CCAR1: variants seen among roughly 807,000 people sequenced by gnomAD.
CCAR1 encodes cell division cycle and apoptosis regulator 1.
In CCAR1, 78 loss-of-function variants were observed where a neutral mutation model predicts 163.8. That is an observed-to-expected ratio of 0.48 (90% CI 0.40 to 0.57). The LOEUF is 0.57. Among genes scored for constraint, CCAR1 ranks in the 20% least tolerant of loss-of-function variants. CCAR1 has a pLI of 0.00. For missense variants in CCAR1, 1,019 were observed against 1,365.2 expected (o/e 0.75, Z 4.00); for synonymous variants, 443 against 460.7 (o/e 0.96, Z 0.49).
At chr10:68,752,479 T>C (rs909263806) in intron 10 of CCAR1, among the ~76,000 whole-genome samples, 2 of 152,210 alleles carry the variant, frequency 1.3e-5, no homozygotes, top group Non-Finnish European at 2.9e-5. Flanking sequence ...TGGGAAACAA[T>C]TATACATACT....
chr10:68,789,549 A>G (rs1044778036), intron 23 of CCAR1, among the ~76,000 whole-genome samples, 161 bp from the exon 24 acceptor site: 1 of 152,156 alleles, frequency 6.6e-6, no homozygotes, highest in Non-Finnish European at 1.5e-5. Flanking sequence ...ACATAAATAA[A>G]TGAATATTGC....
At chr10:68,769,559 G>A (rs1372989157) in intron 17 of CCAR1, among the ~76,000 whole-genome samples, 1 of 152,114 alleles carries the variant, frequency 6.6e-6, no homozygotes, top group Non-Finnish European at 1.5e-5. Context: ...GGCGGAGGTT[G>A]CGGTGAGCCA....
At chr10:68,779,080 T>C (rs756854442) in intron 19 of CCAR1, among the ~76,000 whole-genome samples, 1 of 152,108 alleles carries the variant, frequency 6.6e-6, no homozygotes, top group African/African-American at 2.4e-5. Context: ...TCTGACCTTG[T>C]GATCCGCCTG....
Position 68,791,702 on chromosome 10 carries a change from T to G in CCAR1, c.*436T>G, listed in dbSNP as rs1186600702. 6.5e-6 allele frequency: 1 copy of G among 152,854 alleles called. No homozygotes were observed. The highest frequency in any genetic ancestry group is 1.5e-5 in the Non-Finnish European group (1 of 68,552). The allele number at this position is 152,854 out of a possible 1,614,324, so 9.5% of individuals were successfully genotyped here. ...AGCATGATGCTTAATTTTTGCAAGT[T>G]TTTTGAAACTTTTTGTTTTTTTTAC... On this transcript the variant is annotated 3_prime_UTR_variant, in exon 25 of 25. Transcript: ENST00000265872.
At chr10:68,730,275 T>C (rs551216968) in intron 2 of CCAR1, among the ~76,000 whole-genome samples, 1 of 151,552 alleles carries the variant, frequency 6.6e-6, no homozygotes, top group Admixed American at 6.6e-5. Context: ...AATAGTATAT[T>C]ATAACATGAC....
intron 10 of CCAR1, among the ~76,000 whole-genome samples, chr10:68,752,119 C>T (rs9414994): frequency 0.67 from 101,889 of 150,968 alleles, 34,799 homozygotes; most frequent in Non-Finnish European, 0.73. Flanking sequence ...AGGGTTTCGC[C>T]GTGTTAGCCA....
intron 16 of CCAR1, among the ~76,000 whole-genome samples, chr10:68,763,149 G>GTTTA (rs1554821664): frequency 1.6e-4 from 24 of 151,718 alleles, no homozygotes; most frequent in African/African-American, 4.6e-4. Context: ...AACTTTATTT[G>GTTTA]TTTATTTATT....
intron 19 of CCAR1, among the ~76,000 whole-genome samples, chr10:68,776,600 C>T (rs1219792077): frequency 6.6e-6 from 1 of 152,144 alleles, no homozygotes; most frequent in Admixed American, 6.6e-5. Flanking sequence ...GTCACCCAGG[C>T]TGGAGTATAG....
At chr10:68,753,570 T>C (rs1169458694) in intron 10 of CCAR1, among the ~76,000 whole-genome samples, 2 of 152,190 alleles carry the variant, frequency 1.3e-5, no homozygotes, top group Non-Finnish European at 2.9e-5. Flanking sequence ...GTACAGATCT[T>C]TTCTGGAGCT....
At chr10:68,776,879 T>G (rs1269422536) in intron 19 of CCAR1, among the ~76,000 whole-genome samples, 1 of 152,178 alleles carries the variant, frequency 6.6e-6, no homozygotes, top group African/African-American at 2.4e-5. Flanking sequence ...TCTCCCAGTC[T>G]CTCATATTGA....
intron 2 of CCAR1, chr10:68,735,684 A>C (rs1364979550): frequency 6.6e-6 from 1 of 152,086 alleles, no homozygotes; most frequent in Non-Finnish European, 1.5e-5. Context: ...GGAATTACAG[A>C]CATGAGCTGC....
intron 16 of CCAR1, among the ~76,000 whole-genome samples, chr10:68,764,733 T>G (rs2056516493): frequency 6.6e-6 from 1 of 152,158 alleles, no homozygotes; most frequent in African/African-American, 2.4e-5. Context: ...ACCAATCAGA[T>G]ACTCACTTTC....
chr10:68,787,445 G>C (rs2056808052), intron 21 of CCAR1, among the ~76,000 whole-genome samples: 1 of 151,806 alleles, frequency 6.6e-6, no homozygotes, highest in Non-Finnish European at 1.5e-5. Context: ...AATCATCCCT[G>C]TGCATAAATT....
Position 68,788,256 on chromosome 10 carries a change from CA to C in CCAR1, c.3120del (p.Lys1040AsnfsTer8). 2 of 1,598,612 alleles carry C rather than the reference CA, an allele frequency of 1.3e-6. No individual in the cohort carries two copies. The highest frequency in any genetic ancestry group is 1.8e-5 in the Admixed American group (1 of 55,468). On this transcript the variant is annotated frameshift_variant, in exon 23 of 25. Coordinates refer to ENST00000265872, the MANE Select transcript of CCAR1 (RefSeq NM_018237.4). LOFTEE classifies it high-confidence loss of function. ...GAMVDVGSLLQKLEKSEKVRA... is the reference protein window; with the variant it reads ...GAMVDVGSLLXKLEKSEKVRA... The stretch of plus-strand genomic sequence containing the variant: ...AATGGTAGATGTAGGAAGCCTCTTG[CA>C]AAAATTGGAAAAGAGCGAAAAAGTA...
At chr10:68,732,335 GT>G (rs2056051535) in intron 2 of CCAR1, among the ~76,000 whole-genome samples, 3 of 150,372 alleles carry the variant, frequency 2.0e-5, no homozygotes, top group African/African-American at 7.5e-5. Flanking sequence ...TACCAGAACA[GT>G]TTTGTTTGTT....
intron 4 of CCAR1, among the ~76,000 whole-genome samples, chr10:68,738,840 A>G (rs988053334): frequency 2.0e-5 from 3 of 152,168 alleles, no homozygotes; most frequent in African/African-American, 7.2e-5. Context: ...TGAGGTCAGG[A>G]GTTTGATACC....
intron 19 of CCAR1, among the ~76,000 whole-genome samples, chr10:68,785,249 C>G (rs546586358): frequency 6.9e-6 from 1 of 145,360 alleles, no homozygotes; most frequent in Admixed American, 7.1e-5. Context: ...GAGACAGGGT[C>G]TCGCTTTGTT....
intron 19 of CCAR1, among the ~76,000 whole-genome samples, chr10:68,783,746 C>G (rs1663798264): frequency 6.6e-6 from 1 of 151,736 alleles, no homozygotes; most frequent in South Asian, 2.1e-4. Flanking sequence ...ATAAACTAAA[C>G]TGATGATTGT....
intron 15 of CCAR1, among the ~76,000 whole-genome samples, chr10:68,757,869 G>A (rs2056415281): frequency 1.3e-5 from 2 of 149,978 alleles, no homozygotes; most frequent in South Asian, 2.1e-4. Flanking sequence ...TAACTTCAAG[G>A]GGATGGGACT....
Sources: allele counts gnomAD v4.1 joint callset (sites outside exome capture counted in the v4.1 genomes callset), GRCh38; gene constraint gnomAD v4.1.1; transcripts MANE v1.5; gene names NCBI Gene and HGNC (gene_info 2026-07-23, HGNC 2026-07-21).